Variants in CYP4Z1 observed in about 807,000 individuals in gnomAD.
The protein encoded by CYP4Z1 is cytochrome P450 family 4 subfamily Z member 1, also known as cytochrome P450 4Z1.
CYP4Z1 carries 41 observed loss-of-function variants against 54.2 expected under a neutral mutation model. That is an observed-to-expected ratio of 0.76 (90% confidence interval 0.59 to 0.98). The LOEUF is 0.98. CYP4Z1 is among the 50% of genes least tolerant of loss of function. The pLI is 0.00. For synonymous variants in CYP4Z1, 163 were observed against 206.2 expected (o/e 0.79, Z 1.79); for missense variants, 513 against 599.0 (o/e 0.86, Z 1.50).
At chr1:47,116,027 C>T (rs1157118336) in intron 10 of CYP4Z1, among the ~76,000 whole-genome samples, 2 of 152,118 alleles carry the variant, frequency 1.3e-5, no homozygotes, top group Non-Finnish European at 2.9e-5. Context: ...AGGAATATCA[C>T]TCTCCTTCAC....
chr1:47,063,405 C>T (rs1351887812), upstream of CYP4Z1, among the ~76,000 whole-genome samples: 1 of 151,716 alleles, frequency 6.6e-6, no homozygotes. Flanking sequence ...TCTGAATTGC[C>T]AGAAAAAGTA....
chr1:47,060,751 A>G, the CYP4Z1 span, among the ~76,000 whole-genome samples: 2 of 152,194 alleles, frequency 1.3e-5, no homozygotes, highest in African/African-American at 2.4e-5. Context: ...CAGAATATAT[A>G]TTCTTCTCAT....
At chr1:47,117,308 T>C (rs1644837427) in intron 11 of CYP4Z1, among the ~76,000 whole-genome samples, 1 of 152,190 alleles carries the variant, frequency 6.6e-6, no homozygotes, top group African/African-American at 2.4e-5. Context: ...CAAATGTTGA[T>C]AGAACTCACT....
chr1:47,067,832 T>C (rs1359200850), intron 1 of CYP4Z1, among the ~76,000 whole-genome samples, 165 bp downstream of exon 1: 1 of 152,226 alleles, frequency 6.6e-6, no homozygotes, highest in Non-Finnish European at 1.5e-5. Flanking sequence ...AAGATATTGT[T>C]ATTCCTGTTT....
intron 6 of CYP4Z1, among the ~76,000 whole-genome samples, chr1:47,088,436 G>A (rs562904702): frequency 5.3e-5 from 8 of 152,170 alleles, no homozygotes; most frequent in African/African-American, 1.4e-4. Context: ...GGGTGTATGC[G>A]TCCAGTAATT....
At chr1:47,100,208 T>A (rs941506660) in intron 8 of CYP4Z1, among the ~76,000 whole-genome samples, 1 of 152,228 alleles carries the variant, frequency 6.6e-6, no homozygotes, top group Admixed American at 6.5e-5. Context: ...TTTTCATTCC[T>A]CTATGGAATT....
At position 47,116,640 on chromosome 1, in the gene CYP4Z1, C is replaced by T; in HGVS notation, c.1267-10C>T. 6.3e-7 allele frequency: 1 copy of T among 1,590,446 alleles called. No homozygotes were observed. The highest frequency in any genetic ancestry group is 8.6e-7 in the Non-Finnish European group (1 of 1,161,322). On this transcript the variant is annotated splice_polypyrimidine_tract_variant and intron_variant, in intron 10 of 11. Coordinates refer to ENST00000334194, the MANE Select transcript of CYP4Z1 (RefSeq NM_178134.3). Reference sequence around the variant, plus strand: ...AGGGATTAGGACTGGGATCTTCACTCTCATTACAGGTCTTTAACCCCTTGA... The same window carrying T: ...AGGGATTAGGACTGGGATCTTCACTTTCATTACAGGTCTTTAACCCCTTGA...
At chr1:47,088,530 T>A (rs1644614420) in intron 6 of CYP4Z1, among the ~76,000 whole-genome samples, 1 of 152,132 alleles carries the variant, frequency 6.6e-6, no homozygotes, top group South Asian at 2.1e-4. Flanking sequence ...TTCTGTGGGA[T>A]TGGTGGTGAC....
At chr1:47,087,872 A>G (rs1365992047) in intron 6 of CYP4Z1, among the ~76,000 whole-genome samples, 2 of 152,168 alleles carry the variant, frequency 1.3e-5, no homozygotes, top group African/African-American at 4.8e-5. Context: ...ACATCCCATC[A>G]ATACCTAATT....
chr1:47,092,765 T>C (rs1644649573), intron 6 of CYP4Z1, among the ~76,000 whole-genome samples: 1 of 151,442 alleles, frequency 6.6e-6, no homozygotes, highest in African/African-American at 2.4e-5. Flanking sequence ...TTAGCTGCTG[T>C]GAGGGTCTGG....
intron 6 of CYP4Z1, among the ~76,000 whole-genome samples, chr1:47,086,806 C>T (rs1412601866): frequency 6.6e-6 from 1 of 152,124 alleles, no homozygotes; most frequent in Admixed American, 6.5e-5. Flanking sequence ...AGGTTTTCTT[C>T]TAGGGTTTTT....
intron 6 of CYP4Z1, among the ~76,000 whole-genome samples, chr1:47,092,406 C>G (rs1644645156): frequency 6.6e-6 from 1 of 151,814 alleles, no homozygotes; most frequent in Non-Finnish European, 1.5e-5. Flanking sequence ...TACTTTCCTT[C>G]TAATATTGGG....
At chr1:47,114,962 TTATAAATCGTGCCGC>T (rs1458042230) in intron 9 of CYP4Z1, among the ~76,000 whole-genome samples, 2 of 152,122 alleles carry the variant, frequency 1.3e-5, no homozygotes, top group African/African-American at 4.8e-5. Context: ...ACCCAAAGGA[TTATAAATCGTGCCGC>T]TATAAAGACA....
At chr1:47,065,551 T>C (rs974044118), upstream of CYP4Z1, among the ~76,000 whole-genome samples, 19 of 152,086 alleles carry the variant, frequency 1.2e-4, no homozygotes, top group African/African-American at 4.1e-4. Context: ...GAGGAAAGTT[T>C]ATAGCATCAA....
At chr1:47,116,955 T>C (rs576978865) in intron 11 of CYP4Z1, among the ~76,000 whole-genome samples, 36 of 152,260 alleles carry the variant, frequency 2.4e-4, no homozygotes, top group Non-Finnish European at 3.5e-4. Context: ...GGCATATGGG[T>C]GTGAATTGAT....
chr1:47,087,049 C>G lies in CYP4Z1; in HGVS notation c.772+2071C>G, dbSNP rs553083024. 2.2e-4 allele frequency among the ~76,000 whole-genome samples: 34 copies of G among 152,192 alleles called. 1 individual carries two copies. The South Asian group carries it at 7.1e-3, about 32-fold the overall frequency. ...GAGGGCTCTGTTCTGTTCCATTGGT[C>G]TATATCTCTGTTTTGGTACCAGTAT... On this transcript the variant is annotated intron_variant, in intron 6 of 11. Coordinates refer to ENST00000334194, the MANE Select transcript of CYP4Z1 (RefSeq NM_178134.3).
intron 3 of CYP4Z1, 140 bp from the exon 4 acceptor site, chr1:47,082,194 C>G: frequency 9.4e-7 from 1 of 1,068,618 alleles, no homozygotes; most frequent in East Asian, 2.7e-5. Flanking sequence ...TAGGTCTACT[C>G]CTGCTCATTC....
chr1:47,091,831 G>A (rs368341848), intron 6 of CYP4Z1, among the ~76,000 whole-genome samples: 2 of 149,928 alleles, frequency 1.3e-5, no homozygotes, highest in East Asian at 4.2e-4. Context: ...CTGCAACTAA[G>A]GTTGAGAAAA....
chr1:47,099,034 A>G, intron 7 of CYP4Z1, 60 bp from the exon 8 acceptor site: 6 of 1,564,706 alleles, frequency 3.8e-6, no homozygotes, highest in Non-Finnish European at 5.3e-6. Flanking sequence ...CATTGCTACA[A>G]TTGAAAAAGA....
Sources: allele counts gnomAD v4.1 joint callset (sites outside exome capture counted in the v4.1 genomes callset), GRCh38; gene constraint gnomAD v4.1.1; transcripts MANE v1.5; gene names NCBI Gene and HGNC (gene_info 2026-07-23, HGNC 2026-07-21).